Variants in PDE4B observed in about 807,000 individuals in gnomAD.
PDE4B encodes the protein phosphodiesterase 4B, also known as 3',5'-cyclic-AMP phosphodiesterase 4B.
PDE4B carries 20 observed loss-of-function variants against 82.2 expected under a neutral mutation model. The observed-to-expected ratio is 0.24, with a 90% CI of 0.17 to 0.35. PDE4B has a LOEUF of 0.35. Among genes scored for constraint, PDE4B ranks in the 10% least tolerant of loss-of-function variants. PDE4B has a pLI of 1.00. For missense variants in PDE4B, 655 were observed against 907.2 expected, an observed-to-expected ratio of 0.72 and a Z score of 3.57; for synonymous variants, 320 against 318.9, an observed-to-expected ratio of 1.00 and a Z score of -0.04.
At chr1:66,299,122 ATTG>A (rs1261079442) in intron 7 of PDE4B, among the ~76,000 whole-genome samples, 2 of 152,116 alleles carry the variant, frequency 1.3e-5, no homozygotes, top group Non-Finnish European at 2.9e-5. Flanking sequence ...TATACAATAA[ATTG>A]TTATTAACTA....
At chr1:66,068,379 A>G (rs1044239980) in intron 3 of PDE4B, among the ~76,000 whole-genome samples, 3 of 152,006 alleles carry the variant, frequency 2.0e-5, no homozygotes, top group Non-Finnish European at 4.4e-5. Context: ...ATAGATAGAA[A>G]TATAGAAACA....
chr1:66,191,563 G>T (rs1230978302), intron 3 of PDE4B, among the ~76,000 whole-genome samples: 1 of 152,110 alleles, frequency 6.6e-6, no homozygotes, highest in Non-Finnish European at 1.5e-5. Flanking sequence ...ACTACCTAGG[G>T]TTATCAATAA....
At chr1:66,123,370 A>G (rs1315545748) in intron 3 of PDE4B, among the ~76,000 whole-genome samples, 1 of 152,162 alleles carries the variant, frequency 6.6e-6, no homozygotes, top group Non-Finnish European at 1.5e-5. Flanking sequence ...CTTGCTTTCT[A>G]AGACACTTAC....
chr1:66,295,871 C>T (rs1657474867), intron 7 of PDE4B, among the ~76,000 whole-genome samples: 3 of 152,142 alleles, frequency 2.0e-5, no homozygotes, highest in Admixed American at 1.3e-4. Flanking sequence ...AAATACAGCA[C>T]AATATAGCCA....
chr1:66,355,644 C>T, intron 9 of PDE4B, 24 bp downstream of exon 9: 2 of 1,411,900 alleles, frequency 1.4e-6, no homozygotes, highest in South Asian at 2.4e-5. Flanking sequence ...TGGGAAAAAC[C>T]TGTTTTATAA....
intron 3 of PDE4B, among the ~76,000 whole-genome samples, chr1:65,981,131 G>A (rs747684571): frequency 2.0e-5 from 3 of 152,016 alleles, no homozygotes; most frequent in Non-Finnish European, 2.9e-5. Context: ...TCTGGAAATA[G>A]AATCCTGAGA....
chr1:66,052,441 T>C (rs1382099848), intron 3 of PDE4B, among the ~76,000 whole-genome samples: 1 of 152,076 alleles, frequency 6.6e-6, no homozygotes, highest in East Asian at 1.9e-4. Context: ...AACCCACTTG[T>C]ACAGATAACA....
At chr1:66,106,097 A>T (rs1430724884) in intron 3 of PDE4B, among the ~76,000 whole-genome samples, 2 of 152,064 alleles carry the variant, frequency 1.3e-5, no homozygotes, top group Non-Finnish European at 2.9e-5. Context: ...AGCTCTTATT[A>T]TTTTGAGATA....
rs1311569386 is a variant in PDE4B, at chr1:66,011,052, CA to C, written c.281+92218del. Among the ~76,000 whole-genome samples, 4 of 151,670 alleles carry C rather than the reference CA, an allele frequency of 2.6e-5. No homozygotes were observed. The East Asian group carries it at 7.8e-4, about 30-fold the overall frequency. ...TCTTTTGTCTATTTTTTTCACTCAT[CA>C]GAATTACTTTGAGATTCATGCATGT... On this transcript the variant is annotated intron_variant, in intron 3 of 16. Transcript: ENST00000341517.
Position 66,370,207 on chromosome 1 carries a change from T to A in PDE4B, c.1845+1238T>A, listed in dbSNP as rs116308916. On this transcript the variant is annotated intron_variant, in intron 16 of 16. Coordinates refer to ENST00000341517, the MANE Select transcript of PDE4B (RefSeq NM_002600.4). ...AGAAATCTGTGAAAGTGCTCTGAAG[T>A]CTAATATACTGTAAAAATGCAAGTT... Among the ~76,000 whole-genome samples, 466 of 141,764 alleles carry A rather than the reference T, an allele frequency of 3.3e-3. 1 individual carries two copies. The highest frequency in any genetic ancestry group is 0.011 in the African/African-American group (437 of 38,376). The allele number at this position is 141,764 out of a possible 152,430, so 93.0% of individuals were successfully genotyped here. A position where few individuals can be genotyped will look rare whatever the true frequency, so the allele number is the denominator to read the frequency against.
intron 7 of PDE4B, among the ~76,000 whole-genome samples, chr1:66,277,262 A>G (rs951878632): frequency 1.1e-4 from 17 of 152,350 alleles, no homozygotes; most frequent in African/African-American, 3.8e-4. Flanking sequence ...CAGGTTAAGC[A>G]GAACATTTGT....
chr1:65,797,701 T>C (rs1006053718), intron 1 of PDE4B, among the ~76,000 whole-genome samples: 1 of 152,190 alleles, frequency 6.6e-6, no homozygotes, highest in Non-Finnish European at 1.5e-5. Context: ...GACCTGGAAC[T>C]TGTGGCAGGA....
chr1:66,314,340 C>A (rs1006284442), intron 7 of PDE4B, among the ~76,000 whole-genome samples: 1 of 152,190 alleles, frequency 6.6e-6, no homozygotes, highest in Non-Finnish European at 1.5e-5. Flanking sequence ...TAGCTCCATG[C>A]ATTCCTGCAT....
chr1:66,264,170 C>A (rs760253609), intron 6 of PDE4B, among the ~76,000 whole-genome samples: 1 of 152,116 alleles, frequency 6.6e-6, no homozygotes, highest in Non-Finnish European at 1.5e-5. Context: ...CAGAGCCAGT[C>A]AGTGGTCTGA....
intron 3 of PDE4B, among the ~76,000 whole-genome samples, chr1:66,008,631 A>G (rs1349046551): frequency 6.6e-6 from 1 of 151,918 alleles, no homozygotes; most frequent in East Asian, 1.9e-4. Flanking sequence ...TATAAGCAAA[A>G]CTCTCCCAAA....
chr1:66,308,588 T>C (rs1658446760), intron 7 of PDE4B, among the ~76,000 whole-genome samples: 1 of 152,194 alleles, frequency 6.6e-6, no homozygotes, highest in South Asian at 2.1e-4. Context: ...TTTGTATTAA[T>C]GGAATCATAC....
chr1:66,251,719 T>C (rs558353434), intron 4 of PDE4B, among the ~76,000 whole-genome samples: 7 of 152,188 alleles, frequency 4.6e-5, no homozygotes, highest in African/African-American at 1.7e-4. Context: ...AGAGGCCAGG[T>C]GCTAACTAAT....
At chr1:66,167,719 C>G (rs1646762643) in intron 3 of PDE4B, among the ~76,000 whole-genome samples, 1 of 152,132 alleles carries the variant, frequency 6.6e-6, no homozygotes, top group South Asian at 2.1e-4. Context: ...TTTCCATTTT[C>G]AAGAGTACAA....
chr1:65,838,585 ATATATG>A (rs1172472192), intron 1 of PDE4B, among the ~76,000 whole-genome samples: 1 of 148,328 alleles, frequency 6.7e-6, no homozygotes, highest in Non-Finnish European at 1.5e-5. Context: ...ATATGTGTAT[ATATATG>A]TATATGTATC....
Sources: gnomAD v4.1 joint callset for allele counts (sites outside exome capture counted in the v4.1 genomes callset) on GRCh38, gnomAD v4.1.1 for gene constraint, MANE v1.5 for transcripts, NCBI Gene and HGNC (gene_info 2026-07-23, HGNC 2026-07-21) for gene names.